The following GPT2 variants were observed in gnomAD, a reference collection of about 807,000 sequenced individuals.
GPT2 encodes the protein glutamic--pyruvic transaminase 2, also known as alanine aminotransferase 2.
GPT2 carries 30 observed loss-of-function variants against 56.9 expected under a neutral mutation model. The ratio of observed to expected loss-of-function variants is 0.53; its 90% CI spans 0.39 to 0.72. The LOEUF (loss-of-function observed/expected upper bound fraction) is 0.72. Ranked by LOEUF, GPT2 falls within the 30% of genes least tolerant of loss-of-function variation. The pLI, the probability that GPT2 is intolerant of heterozygous loss-of-function variation, is 0.00. For synonymous variants in GPT2, 271 were observed against 283.1 expected (o/e 0.96, Z 0.43); for missense variants, 542 against 703.4 (o/e 0.77, Z 2.60).
chr16:46,888,627 G>C lies in GPT2; in HGVS notation c.243+3669G>C, dbSNP rs867074922. Among the ~76,000 whole-genome samples the C allele has an allele frequency of 1.6e-4, 25 of 152,052 alleles. No homozygotes were observed. In the Middle Eastern group the frequency reaches 0.024, roughly 145 times the overall value. ...CTCCCAAAGTGCTGGGATTACAAGC[G>C]TGAGCCACCGCACCCGGCCAGATGC... On this transcript the variant is annotated intron_variant, in intron 2 of 11. Coordinates refer to ENST00000340124, the MANE Select transcript of GPT2 (RefSeq NM_133443.4).
Position 46,903,344 on chromosome 16 carries a change from C to T in GPT2, c.442+2554C>T, listed in dbSNP as rs1027944795. Among the ~76,000 whole-genome samples, 5 of 151,728 alleles carry T rather than the reference C, an allele frequency of 3.3e-5. No homozygotes were observed. In the South Asian group the frequency reaches 6.2e-4, roughly 19 times the overall value. ...CTTTTTAAGAGATAGGGTCTTTCCC[C>T]GTCACCCAGGCTGGAGTGCAGTGGT... On this transcript the variant is annotated intron_variant, in intron 4 of 11. Coordinates refer to ENST00000340124, the MANE Select transcript of GPT2 (RefSeq NM_133443.4).
intron 9 of GPT2, among the ~76,000 whole-genome samples, chr16:46,922,804 C>G (rs1220729663): frequency 6.6e-6 from 1 of 152,202 alleles, no homozygotes. Context: ...TGTGTCCTCA[C>G]AGCTTGACAG....
chr16:46,907,416 G>A (rs1486833140), intron 5 of GPT2, among the ~76,000 whole-genome samples: 2 of 152,232 alleles, frequency 1.3e-5, no homozygotes, highest in African/African-American at 4.8e-5. Context: ...AGTAGAGAAG[G>A]ACAGGGTGTT....
chr16:46,916,438 C>A, intron 6 of GPT2, 190 bp from the exon 7 acceptor site: 1 of 607,372 alleles, frequency 1.6e-6, no homozygotes. Context: ...ACAGGCTGCT[C>A]TTCTGGGCGT....
chr16:46,907,617 G>T (rs1445741180), intron 5 of GPT2, among the ~76,000 whole-genome samples: 2 of 152,214 alleles, frequency 1.3e-5, no homozygotes, highest in Non-Finnish European at 2.9e-5. Flanking sequence ...TGGAGATGCT[G>T]GGGGATGAGT....
chr16:46,910,105 G>A (rs895829900), intron 6 of GPT2, among the ~76,000 whole-genome samples, 178 bp downstream of exon 6: 1 of 152,184 alleles, frequency 6.6e-6, no homozygotes, highest in East Asian at 1.9e-4. Context: ...AGTAGGCCAG[G>A]TGCGGTGGCC....
At chr16:46,900,213 G>A (rs556439289) in intron 3 of GPT2, among the ~76,000 whole-genome samples, 2 of 151,970 alleles carry the variant, frequency 1.3e-5, no homozygotes, top group Non-Finnish European at 2.9e-5. Context: ...AGCTGGTCCA[G>A]TTTTCATCTA....
rs150531009 is a variant in GPT2, at chr16:46,929,287, G to C, written c.*290G>C. On this transcript the variant is annotated 3_prime_UTR_variant, in exon 12 of 12. Coordinates refer to ENST00000340124, the MANE Select transcript of GPT2 (RefSeq NM_133443.4). ...TTTTGCTTCTGGAAAGTTCATTTGG[G>C]GTTTACAACAACTAGGATGTGTTGG... 6.4e-4 allele frequency: 249 copies of C among 386,418 alleles called. No individual in the cohort carries two copies. Among genetic ancestry groups the C allele is most frequent in the African/African-American group, 4.6e-3 (227 of 49,758 alleles). 23.9% of individuals were successfully genotyped at this position (386,418 alleles called of 1,614,324 possible).
intron 3 of GPT2, 48 bp downstream of exon 3, chr16:46,897,785 C>T: frequency 6.4e-7 from 1 of 1,562,188 alleles, no homozygotes; most frequent in South Asian, 1.1e-5. Flanking sequence ...GGGCCCTGGG[C>T]TGGGCGGGCC....
chr16:46,884,653 C>T lies in GPT2; in HGVS notation c.-22-41C>T, dbSNP rs1448831047. 4.4e-6 allele frequency: 6 copies of T among 1,351,562 alleles called. No homozygotes were observed. The East Asian group carries it at 8.5e-5, about 19-fold the overall frequency. The allele number at this position is 1,351,562 out of a possible 1,614,324, so 83.7% of individuals were successfully genotyped here. The stretch of plus-strand genomic sequence containing the variant: ...TGTGGGGGAGTGCTGCACGCCTGGG[C>T]AGTGCGCGACGTGTTTGTTCTTTTT... On this transcript the variant is annotated intron_variant, in intron 1 of 11. Transcript: ENST00000340124.
intron 11 of GPT2, among the ~76,000 whole-genome samples, chr16:46,928,142 T>C (rs1961454428): frequency 6.6e-6 from 1 of 151,226 alleles, no homozygotes; most frequent in South Asian, 2.1e-4. Context: ...CTGGGCAACA[T>C]AGCAAGACCC....
intron 2 of GPT2, among the ~76,000 whole-genome samples, chr16:46,890,057 C>T (rs56042735): frequency 0.18 from 27,401 of 152,196 alleles, 3,211 homozygotes; most frequent in African/African-American, 0.33. Context: ...CAGGGGCCTA[C>T]ACCCTGTCTT....
intron 4 of GPT2, among the ~76,000 whole-genome samples, chr16:46,902,274 T>C (rs1960834301): frequency 6.6e-6 from 1 of 152,220 alleles, no homozygotes; most frequent in African/African-American, 2.4e-5. Context: ...CCCTAAGCCC[T>C]GTTCCAGGAC....
intron 6 of GPT2, 91 bp from the exon 7 acceptor site, chr16:46,916,537 G>A: frequency 1.1e-6 from 1 of 927,472 alleles, no homozygotes; most frequent in Non-Finnish European, 1.8e-6. Context: ...AGGGAACACA[G>A]GGCACTGAGT....
In GPT2 at chr16:46,928,769, G is replaced by T. The variant is rs1001126148; in HGVS notation, c.1482-138G>T. ...GAAGGGGAAAGTGGTCCAAGTGCTGGGTGCTGTCCGGGCTGGAGCTGTCGA... is the reference window on the plus strand; with the variant it reads ...GAAGGGGAAAGTGGTCCAAGTGCTGTGTGCTGTCCGGGCTGGAGCTGTCGA... On this transcript the variant is annotated intron_variant, in intron 11 of 11. Coordinates refer to ENST00000340124, the MANE Select transcript of GPT2 (RefSeq NM_133443.4). 3 of 652,626 alleles carry T rather than the reference G, an allele frequency of 4.6e-6. No homozygotes were observed. In the South Asian group the frequency reaches 5.1e-5, roughly 11 times the overall value. 40.4% of individuals were successfully genotyped at this position (652,626 alleles called of 1,614,324 possible). A position where few individuals can be genotyped will look rare whatever the true frequency, so the allele number is the denominator to read the frequency against.
chr16:46,890,017 T>C (rs1466499114), intron 2 of GPT2, among the ~76,000 whole-genome samples: 1 of 152,178 alleles, frequency 6.6e-6, no homozygotes, highest in African/African-American at 2.4e-5. Context: ...TGGGCTTCTA[T>C]AGTTGACCAC....
intron 7 of GPT2, 22 bp from the exon 8 acceptor site, chr16:46,918,599 C>T (rs750555595): frequency 3.7e-6 from 6 of 1,612,382 alleles, no homozygotes; most frequent in East Asian, 2.2e-5. Context: ...CTTTGGTGAC[C>T]GTCCCTGCCG....
At chr16:46,924,206 C>T in intron 9 of GPT2, 183 bp from the exon 10 acceptor site, 1 of 694,556 alleles carries the variant, frequency 1.4e-6, no homozygotes, top group Non-Finnish European at 2.6e-6. Flanking sequence ...GTGTGGTGTG[C>T]ATGGGGCATG....
intron 4 of GPT2, among the ~76,000 whole-genome samples, chr16:46,904,731 G>A (rs1307705032): frequency 1.3e-5 from 2 of 152,134 alleles, no homozygotes; most frequent in Non-Finnish European, 2.9e-5. Flanking sequence ...AGGAGAAGGT[G>A]GGGCATTGAA....
Sources: gnomAD v4.1 joint callset for allele counts (sites outside exome capture counted in the v4.1 genomes callset) on GRCh38, gnomAD v4.1.1 for gene constraint, MANE v1.5 for transcripts, NCBI Gene and HGNC (gene_info 2026-07-23, HGNC 2026-07-21) for gene names.